The following FGF7 variants were observed in gnomAD, a reference collection of about 807,000 sequenced individuals.
FGF7 encodes fibroblast growth factor 7.
A neutral mutation model predicts 20.5 loss-of-function variants in FGF7; 6 were observed. The observed-to-expected ratio is 0.29, with a 90% CI of 0.16 to 0.58. The LOEUF is 0.58. Ranked by LOEUF, FGF7 falls within the 20% of genes least tolerant of loss-of-function variation. The pLI is 0.90. For missense variants in FGF7, 144 were observed against 228.8 expected, an observed-to-expected ratio of 0.63 and a Z score of 2.39; for synonymous variants, 64 against 74.7, an observed-to-expected ratio of 0.86 and a Z score of 0.74.
chr15:49,428,182 A>G (rs1012320250), intron 2 of FGF7, among the ~76,000 whole-genome samples: 8 of 151,956 alleles, frequency 5.3e-5, no homozygotes, highest in Non-Finnish European at 1.2e-4. Flanking sequence ...AGAACTGGTC[A>G]TAAGGATTGT....
chr15:49,483,479 G>T (rs1387106523), intron 3 of FGF7, among the ~76,000 whole-genome samples: 1 of 151,994 alleles, frequency 6.6e-6, no homozygotes, highest in Non-Finnish European at 1.5e-5. Flanking sequence ...AAAATGAGTT[G>T]AATTAACTGA....
Position 49,476,232 on chromosome 15 carries a change from G to GTTTTTTTTTTT in FGF7, c.287-6916_287-6906dup. Among the ~76,000 whole-genome samples the GTTTTTTTTTTT allele has an allele frequency of 2.0e-3, 114 of 57,346 alleles. 12 individuals carry two copies. The highest frequency in any genetic ancestry group is 2.8e-3 in the Non-Finnish European group (76 of 27,400). 37.6% of individuals were successfully genotyped at this position (57,346 alleles called of 152,430 possible). On this transcript the variant is annotated intron_variant, in intron 2 of 3. Transcript: ENST00000267843. Reference sequence around the variant, plus strand: ...TTGCTGTTTTGTTTTTTTGTTTTTGGTTTTTTTTTTTTTGCATTTGGCATA... The same window carrying GTTTTTTTTTTT: ...TTGCTGTTTTGTTTTTTTGTTTTTGGTTTTTTTTTTTTTTTTTTTTTTTTGCATTTGGCATA...
intron 2 of FGF7, among the ~76,000 whole-genome samples, chr15:49,480,382 A>G (rs888315670): frequency 6.6e-6 from 1 of 151,694 alleles, no homozygotes; most frequent in African/African-American, 2.4e-5. Context: ...ACCTCGGCTC[A>G]TTGCAACCTC....
intron 2 of FGF7, among the ~76,000 whole-genome samples, chr15:49,430,696 A>T (rs544108100): frequency 1.3e-5 from 2 of 151,912 alleles, no homozygotes; most frequent in East Asian, 3.9e-4. Flanking sequence ...AGAGTATGAG[A>T]CAGACAGGGC....
rs374130440 is a variant in FGF7 at position 49,424,289 on chromosome 15, T to C, written c.-9T>C. On this transcript the variant is annotated 5_prime_UTR_variant, in exon 2 of 4. Coordinates refer to ENST00000267843, the MANE Select transcript of FGF7 (RefSeq NM_002009.4). ...TGTTATTCATGAACACCCGGAGCACTACACTATAATGCACAAATGGATACT... is the reference window on the plus strand; with the variant it reads ...TGTTATTCATGAACACCCGGAGCACCACACTATAATGCACAAATGGATACT... 6.2e-6 allele frequency: 10 copies of C among 1,610,556 alleles called. No homozygotes were observed. Among genetic ancestry groups the C allele is most frequent in the South Asian group, 5.5e-5 (5 of 90,774 alleles).
rs2056227954 is a variant in FGF7 at position 49,484,398 on chromosome 15, G to C, written c.479G>C (p.Gly160Ala). The stretch of plus-strand genomic sequence containing the variant: ...GCATCAGCTAAATGGACACACAACG[G>C]AGGGGAAATGTTTGTTGCCTTAAAT... ...TYASAKWTHN[G>A]GEMFVALNQK... The change falls in exon 4 of 4, where the codon GGA becomes GCA. Residue 160 changes from glycine to alanine, a missense_variant. Coordinates refer to ENST00000267843, the MANE Select transcript of FGF7 (RefSeq NM_002009.4). 4.4e-6 allele frequency: 7 copies of C among 1,594,216 alleles called. No individual in the cohort carries two copies. The highest frequency in any genetic ancestry group is 5.1e-6 in the Non-Finnish European group (6 of 1,178,092).
At chr15:49,452,728 G>T (rs896926265) in intron 2 of FGF7, among the ~76,000 whole-genome samples, 1 of 152,058 alleles carries the variant, frequency 6.6e-6, no homozygotes, top group Admixed American at 6.6e-5. Context: ...TCTTTATTGG[G>T]TGACTGAGAT....
chr15:49,481,170 C>A (rs2055908664), intron 2 of FGF7, among the ~76,000 whole-genome samples: 1 of 152,136 alleles, frequency 6.6e-6, no homozygotes, highest in Non-Finnish European at 1.5e-5. Context: ...TCTTTAGAAA[C>A]CAACTATTCC....
chr15:49,434,493 G>C (rs1162102159), intron 2 of FGF7: 1 of 151,428 alleles, frequency 6.6e-6, no homozygotes, highest in Non-Finnish European at 1.5e-5. Flanking sequence ...TCTTTTCTGA[G>C]AGGAAATAGC....
At chr15:49,442,541 C>T (rs1388622921) in intron 2 of FGF7, among the ~76,000 whole-genome samples, 1 of 151,648 alleles carries the variant, frequency 6.6e-6, no homozygotes, top group Non-Finnish European at 1.5e-5. Context: ...ATTATATTAC[C>T]TCTTTTCCAA....
chr15:49,473,659 G>T (rs1428830566), intron 2 of FGF7, among the ~76,000 whole-genome samples: 2 of 152,008 alleles, frequency 1.3e-5, no homozygotes, highest in Non-Finnish European at 2.9e-5. Flanking sequence ...ACAAATAGAA[G>T]AATAAAACTA....
chr15:49,424,634 C>A (rs2049972599), intron 2 of FGF7, 51 bp downstream of exon 2: 3 of 1,367,510 alleles, frequency 2.2e-6, no homozygotes, highest in South Asian at 3.2e-5. Flanking sequence ...GTTAATGGAT[C>A]AATTTTCAGG....
intron 2 of FGF7, among the ~76,000 whole-genome samples, chr15:49,476,231 G>GA (rs1567351795): frequency 3.4e-5 from 1 of 29,116 alleles, no homozygotes; most frequent in African/African-American, 1.1e-4. Flanking sequence ...TTTTGTTTTT[G>GA]GTTTTTTTTT....
intron 2 of FGF7, among the ~76,000 whole-genome samples, chr15:49,448,781 G>A (rs796985207): frequency 1.7e-4 from 26 of 151,846 alleles, no homozygotes; most frequent in African/African-American, 5.5e-4. Flanking sequence ...ATACCCAGTA[G>A]TCTAAGCAAC....
At chr15:49,448,076 A>C (rs2052387762) in intron 2 of FGF7, among the ~76,000 whole-genome samples, 1 of 151,756 alleles carries the variant, frequency 6.6e-6, no homozygotes, top group African/African-American at 2.4e-5. Flanking sequence ...TAACAAACTT[A>C]TCAGAACTTC....
intron 2 of FGF7, among the ~76,000 whole-genome samples, chr15:49,439,050 T>TAC (rs1302665933): frequency 6.6e-6 from 1 of 151,744 alleles, no homozygotes; most frequent in African/African-American, 2.4e-5. Flanking sequence ...TAGGGACTCT[T>TAC]ACGAGGTTGC....
At position 49,432,448 on chromosome 15, in the gene FGF7, G is replaced by A. The variant is rs1403403333; in HGVS notation, c.286+7865G>A. 4.0e-5 allele frequency among the ~76,000 whole-genome samples: 6 copies of A among 151,512 alleles called. No individual in the cohort carries two copies. The East Asian group carries it at 1.2e-3, about 30-fold the overall frequency. On this transcript the variant is annotated intron_variant, in intron 2 of 3. Transcript: ENST00000267843. ...CTAATGAGAATTTTTAAAACTCTAG[G>A]AAAAGAGTATACATGATTTCTTAAA...
chr15:49,455,845 G>A (rs146751376), intron 2 of FGF7, among the ~76,000 whole-genome samples: 6 of 152,120 alleles, frequency 3.9e-5, no homozygotes, highest in Non-Finnish European at 7.4e-5. Context: ...ATTGAACCAT[G>A]GCTTTTTTCT....
At chr15:49,424,672 T>C in intron 2 of FGF7, 89 bp downstream of exon 2, 3 of 1,061,660 alleles carry the variant, frequency 2.8e-6, no homozygotes, top group Non-Finnish European at 4.0e-6. Context: ...TTCCTTTTGC[T>C]TCTTGGAAAA....
Sources: allele counts gnomAD v4.1 joint callset (sites outside exome capture counted in the v4.1 genomes callset), GRCh38; gene constraint gnomAD v4.1.1; transcripts MANE v1.5; gene names NCBI Gene and HGNC (gene_info 2026-07-23, HGNC 2026-07-21).